Variants in EPHA6 observed in about 807,000 individuals in gnomAD.
The protein encoded by EPHA6 is EPH receptor A6, also known as ephrin type-A receptor 6.
A neutral mutation model predicts 112.0 loss-of-function variants in EPHA6; 50 were observed. The ratio of observed to expected loss-of-function variants is 0.45; its 90% confidence interval spans 0.36 to 0.56. The LOEUF (loss-of-function observed/expected upper bound fraction) is 0.56, where lower values mean the gene tolerates loss of function less well. Among genes scored for constraint, EPHA6 ranks in the 20% least tolerant of loss-of-function variants. EPHA6 has a pLI of 0.00. For missense variants in EPHA6, 1,280 were observed against 1,417.4 expected (o/e 0.90, Z 1.56); for synonymous variants, 529 against 490.7 (o/e 1.08, Z -1.03).
chr3:97,584,175 A>G (rs949340218), intron 11 of EPHA6, among the ~76,000 whole-genome samples: 1 of 152,156 alleles, frequency 6.6e-6, no homozygotes, highest in African/African-American at 2.4e-5. Context: ...CTACCTTTGT[A>G]TTGTTCATAT....
At chr3:97,605,409 C>T (rs1463642467) in intron 12 of EPHA6, among the ~76,000 whole-genome samples, 2 of 151,364 alleles carry the variant, frequency 1.3e-5, no homozygotes, top group African/African-American at 4.8e-5. Context: ...CTTTAATCCA[C>T]CTTAGGTTAA....
chr3:97,025,682 G>T (rs2044613679), intron 3 of EPHA6, among the ~76,000 whole-genome samples: 2 of 152,130 alleles, frequency 1.3e-5, no homozygotes, highest in African/African-American at 4.8e-5. Context: ...TCTGCCTCCT[G>T]GGTTCAAGCA....
At chr3:97,730,622 A>G (rs2107830872) in intron 15 of EPHA6, among the ~76,000 whole-genome samples, 1 of 152,192 alleles carries the variant, frequency 6.6e-6, no homozygotes, top group Non-Finnish European at 1.5e-5. Flanking sequence ...AAAGCACCCC[A>G]TATGCTGCTC....
intron 3 of EPHA6, among the ~76,000 whole-genome samples, chr3:97,126,638 A>G (rs2048188880): frequency 6.6e-6 from 1 of 152,028 alleles, no homozygotes; most frequent in Non-Finnish European, 1.5e-5. Context: ...AACTTCTACT[A>G]GGTTCTTATG....
At chr3:97,650,583 T>C (rs190879146) in intron 14 of EPHA6, among the ~76,000 whole-genome samples, 1 of 152,108 alleles carries the variant, frequency 6.6e-6, no homozygotes, top group South Asian at 2.1e-4. Context: ...CAGTCATATA[T>C]ACTATTAAGA....
intron 9 of EPHA6, among the ~76,000 whole-genome samples, chr3:97,482,396 A>G (rs1252554269): frequency 6.6e-6 from 1 of 152,262 alleles, no homozygotes; most frequent in Non-Finnish European, 1.5e-5. Flanking sequence ...CATATGGAAT[A>G]TAAAATAGAG....
intron 3 of EPHA6, among the ~76,000 whole-genome samples, chr3:97,188,213 A>G (rs2077207481): frequency 6.6e-6 from 1 of 152,158 alleles, no homozygotes; most frequent in Admixed American, 6.6e-5. Context: ...CAGCAGCTAA[A>G]TGGATCAGCA....
intron 3 of EPHA6, among the ~76,000 whole-genome samples, chr3:97,061,359 G>C (rs1205059394): frequency 6.6e-6 from 1 of 152,180 alleles, no homozygotes; most frequent in Non-Finnish European, 1.5e-5. Context: ...AGAGCCAGGT[G>C]AAGGTGTTAC....
intron 3 of EPHA6, among the ~76,000 whole-genome samples, chr3:97,073,986 G>A (rs189843182): frequency 1.1e-3 from 174 of 151,666 alleles, no homozygotes; most frequent in African/African-American, 3.6e-3. Flanking sequence ...TTTATGAATT[G>A]CCTATTCATA....
chr3:97,616,971 A>AT (rs1560194904), intron 13 of EPHA6, among the ~76,000 whole-genome samples: 1 of 152,160 alleles, frequency 6.6e-6, no homozygotes, highest in African/African-American at 2.4e-5. Context: ...TCCTCAGGAC[A>AT]CATAATCATC....
intron 5 of EPHA6, among the ~76,000 whole-genome samples, chr3:97,394,596 A>G (rs2086598318): frequency 6.6e-6 from 1 of 151,752 alleles, no homozygotes; most frequent in South Asian, 2.1e-4. Flanking sequence ...CAAATAATCC[A>G]GTTGTTAAAT....
chr3:96,825,816 C>T (rs2033621456), intron 1 of EPHA6, among the ~76,000 whole-genome samples: 1 of 151,732 alleles, frequency 6.6e-6, no homozygotes, highest in South Asian at 2.1e-4. Flanking sequence ...TATAATTATA[C>T]TCTATTTTTA....
intron 3 of EPHA6, among the ~76,000 whole-genome samples, chr3:97,221,642 C>A (rs1041033011): frequency 6.6e-6 from 1 of 152,166 alleles, no homozygotes. Context: ...CCTAAGACCA[C>A]TAATTGAATA....
intron 9 of EPHA6, among the ~76,000 whole-genome samples, chr3:97,483,159 T>G (rs2091604345): frequency 6.6e-6 from 1 of 152,216 alleles, no homozygotes; most frequent in Non-Finnish European, 1.5e-5. Flanking sequence ...AGTCTATGAC[T>G]TCTTCGGATA....
intron 11 of EPHA6, among the ~76,000 whole-genome samples, chr3:97,539,735 T>C (rs1302531752): frequency 6.6e-6 from 1 of 152,170 alleles, no homozygotes; most frequent in East Asian, 1.9e-4. Flanking sequence ...AAAAGGATTG[T>C]GGTATCTATA....
chr3:97,691,962 A>G (rs902395317), intron 14 of EPHA6, among the ~76,000 whole-genome samples: 5 of 152,190 alleles, frequency 3.3e-5, no homozygotes, highest in African/African-American at 1.2e-4. Flanking sequence ...TCACAAAACT[A>G]GGGAAATAGT....
At chr3:97,705,402 C>T (rs1389789008) in intron 14 of EPHA6, among the ~76,000 whole-genome samples, 2 of 152,148 alleles carry the variant, frequency 1.3e-5, no homozygotes, top group South Asian at 2.1e-4. Context: ...CATTTCATGG[C>T]GCCTCTCACA....
At chr3:97,692,822 C>A (rs1306863256) in intron 14 of EPHA6, among the ~76,000 whole-genome samples, 4 of 152,174 alleles carry the variant, frequency 2.6e-5, no homozygotes, top group Admixed American at 2.6e-4. Flanking sequence ...TGGGCAGTTT[C>A]TTGACAAAGT....
chr3:97,329,081 C>T (rs1003679584), intron 5 of EPHA6, among the ~76,000 whole-genome samples: 8 of 151,990 alleles, frequency 5.3e-5, no homozygotes. Flanking sequence ...GTTTTTTGTC[C>T]TTGCGATAGT....
Sources: gnomAD v4.1 joint callset for allele counts (sites outside exome capture counted in the v4.1 genomes callset) on GRCh38, gnomAD v4.1.1 for gene constraint, MANE v1.5 for transcripts, NCBI Gene and HGNC (gene_info 2026-07-23, HGNC 2026-07-21) for gene names.